The following FUT8 variants were observed in gnomAD, a reference collection of about 807,000 sequenced individuals.
FUT8 encodes fucosyltransferase 8, also known as alpha-(1,6)-fucosyltransferase.
In FUT8, 29 loss-of-function variants were observed where a neutral mutation model predicts 71.3. The ratio of observed to expected loss-of-function variants is 0.41; its 90% CI spans 0.30 to 0.55. The LOEUF is 0.55. FUT8 is among the 20% of genes least tolerant of loss of function. The pLI is 0.34. For missense variants in FUT8, 544 were observed against 702.1 expected, an observed-to-expected ratio of 0.77 and a Z score of 2.55; for synonymous variants, 254 against 239.3, an observed-to-expected ratio of 1.06 and a Z score of -0.57.
intron 1 of FUT8, among the ~76,000 whole-genome samples, chr14:65,429,738 C>G (rs1319394936): frequency 6.6e-6 from 1 of 151,590 alleles, no homozygotes; most frequent in African/African-American, 2.4e-5. Flanking sequence ...TGGTGTGTGC[C>G]TGTAGGCCCA....
Position 65,603,202 on chromosome 14 carries a change from A to G in FUT8, c.204-12776A>G, listed in dbSNP as rs1422231554. On this transcript the variant is annotated intron_variant, in intron 3 of 10. Coordinates refer to ENST00000673929, the MANE Select transcript of FUT8 (RefSeq NM_001371533.1). The surrounding 1 kb of genome is among the most constrained non-coding windows in gnomAD (Gnocchi z 4.5). The stretch of plus-strand genomic sequence containing the variant: ...TTTATTCTGCTACATGTGGCTTGCC[A>G]GTTATCCTGGCATCATTTGTTGCAT... Among the ~76,000 whole-genome samples, 1 of 151,992 alleles carries G rather than the reference A, an allele frequency of 6.6e-6. No individual in the cohort carries two copies. The highest frequency in any genetic ancestry group is 2.4e-5 in the African/African-American group (1 of 41,414).
intron 3 of FUT8, among the ~76,000 whole-genome samples, chr14:65,570,446 T>C (rs1482644776): frequency 6.6e-6 from 1 of 151,984 alleles, no homozygotes; most frequent in African/African-American, 2.4e-5. Context: ...CTTATTGTCA[T>C]TATTACAGTG....
chr14:65,572,334 G>A (rs188911793), intron 3 of FUT8, among the ~76,000 whole-genome samples: 51 of 152,282 alleles, frequency 3.3e-4, no homozygotes, highest in Middle Eastern at 3.4e-3. Context: ...TCTAAGCTTT[G>A]TGTATGTATG....
intron 6 of FUT8, among the ~76,000 whole-genome samples, chr14:65,650,720 A>AAAC (rs576234888): frequency 4.2e-4 from 55 of 131,292 alleles, no homozygotes; most frequent in Admixed American, 1.6e-3. Flanking sequence ...AAAAAAAAAA[A>AAAC]AAAAAAAAAC....
the FUT8 span, among the ~76,000 whole-genome samples, chr14:65,394,823 A>C: frequency 2.8e-5 from 4 of 144,438 alleles, no homozygotes; most frequent in Non-Finnish European, 6.0e-5. Context: ...TTAGCTCACC[A>C]CAACCTCTGC....
At chr14:65,612,087 A>G (rs368027622) in intron 3 of FUT8, among the ~76,000 whole-genome samples, 5 of 152,162 alleles carry the variant, frequency 3.3e-5, no homozygotes, top group African/African-American at 9.6e-5. Context: ...GTTGGTTTTG[A>G]TAGATTGATT....
intron 1 of FUT8, among the ~76,000 whole-genome samples, chr14:65,443,712 C>T (rs2065696286): frequency 1.0e-5 from 1 of 97,940 alleles, no homozygotes; most frequent in African/African-American, 4.1e-5. Flanking sequence ...AGAGCAGGAC[C>T]TCTAATAAAA....
intron 2 of FUT8, among the ~76,000 whole-genome samples, chr14:65,546,136 G>A (rs994244021): frequency 3.3e-5 from 5 of 151,728 alleles, no homozygotes; most frequent in Non-Finnish European, 1.5e-5. Context: ...CCCATATTAA[G>A]TATACAGTTA....
intron 6 of FUT8, among the ~76,000 whole-genome samples, chr14:65,661,918 T>A (rs1373667859): frequency 6.6e-6 from 1 of 152,216 alleles, no homozygotes; most frequent in African/African-American, 2.4e-5. Context: ...TGATGGTGTG[T>A]TTACTGAATT....
chr14:65,435,376 T>G (rs768202208), intron 1 of FUT8, among the ~76,000 whole-genome samples: 2 of 152,238 alleles, frequency 1.3e-5, no homozygotes, highest in Non-Finnish European at 2.9e-5. Context: ...TATAGACTTT[T>G]GGATCAGCCT....
At chr14:65,463,738 C>G (rs2066001052) in intron 2 of FUT8, among the ~76,000 whole-genome samples, 1 of 152,096 alleles carries the variant, frequency 6.6e-6, no homozygotes, top group African/African-American at 2.4e-5. Flanking sequence ...GTTCCTTGTA[C>G]TTTTCCTTCT....
intron 2 of FUT8, among the ~76,000 whole-genome samples, chr14:65,557,179 A>G (rs1885628477): frequency 1.3e-5 from 2 of 152,170 alleles, no homozygotes; most frequent in South Asian, 4.1e-4. Flanking sequence ...ACTTTGAAAA[A>G]TCAAATATGT....
chr14:65,454,093 C>T (rs1353171960), intron 1 of FUT8, among the ~76,000 whole-genome samples: 1 of 152,190 alleles, frequency 6.6e-6, no homozygotes, highest in Non-Finnish European at 1.5e-5. Flanking sequence ...TTTGCAGTTG[C>T]TTACCATCTG....
chr14:65,589,028 C>T (rs1357791032), intron 3 of FUT8, among the ~76,000 whole-genome samples: 1 of 152,156 alleles, frequency 6.6e-6, no homozygotes, highest in Non-Finnish European at 1.5e-5. Context: ...CTCTCAATCT[C>T]TTTTACTTTC....
chr14:65,386,045 G>C, the FUT8 span, among the ~76,000 whole-genome samples: 1 of 151,982 alleles, frequency 6.6e-6, no homozygotes, highest in East Asian at 2.0e-4. Flanking sequence ...CCAGCTACTT[G>C]GGAGGCTGAG....
intron 2 of FUT8, among the ~76,000 whole-genome samples, chr14:65,548,126 GGA>G (rs1260235838): frequency 2.0e-5 from 3 of 151,944 alleles, no homozygotes; most frequent in Non-Finnish European, 4.4e-5. Context: ...TTATTAGACT[GGA>G]TTCATGGTTT....
At chr14:65,632,610 G>A (rs1189299611) in intron 6 of FUT8, among the ~76,000 whole-genome samples, 2 of 152,000 alleles carry the variant, frequency 1.3e-5, no homozygotes, top group Non-Finnish European at 2.9e-5. Flanking sequence ...TAGATTCTGT[G>A]TATTAGTCCT....
chr14:65,406,180 A>C (rs2065088243), upstream of FUT8, among the ~76,000 whole-genome samples: 1 of 152,290 alleles, frequency 6.6e-6, no homozygotes, highest in Non-Finnish European at 1.5e-5. Flanking sequence ...ACATCATTTA[A>C]TAGGGCTGCA....
At chr14:65,471,117 G>A (rs372863864) in intron 2 of FUT8, 18 of 458,518 alleles carry the variant, frequency 3.9e-5, no homozygotes, top group African/African-American at 3.5e-4. Flanking sequence ...AGAGGGATGA[G>A]GGGGAAAGTT....
Sources: allele counts gnomAD v4.1 joint callset (sites outside exome capture counted in the v4.1 genomes callset), GRCh38; gene constraint gnomAD v4.1.1; non-coding constraint Gnocchi (gnomAD v3.1); transcripts MANE v1.5; gene names NCBI Gene and HGNC (gene_info 2026-07-23, HGNC 2026-07-21).